Variants in PSMB10 observed in about 807,000 individuals in gnomAD.
PSMB10 encodes proteasome 20S subunit beta 10, also known as proteasome subunit beta type-10.
PSMB10 carries 29 observed loss-of-function variants against 29.8 expected under a neutral mutation model. The ratio of observed to expected loss-of-function variants is 0.97; its 90% CI spans 0.73 to 1.33. PSMB10 has a LOEUF of 1.33. PSMB10 is among the 40% of genes most tolerant of loss of function. The probability of loss-of-function intolerance (pLI) is 0.00; values close to 1 mark genes in which losing one functional copy is unlikely to be tolerated. For synonymous variants in PSMB10, 157 were observed against 164.7 expected (o/e 0.95, Z 0.36); for missense variants, 327 against 369.2 (o/e 0.89, Z 0.94).
Position 67,936,026 on chromosome 16 carries a change from A to G in PSMB10, c.320T>C (p.Leu107Ser). ...MVASKMELHALSTGREPRVAT... is the reference protein window; with the variant it reads ...MVASKMELHASSTGREPRVAT... ...CACGCGGGGCTCGCGGCCCGTAGAT[A>G]ACGCGTGTAGCTCCATCTTGGACGC... Residue 107 changes from leucine to serine, a missense_variant, in exon 4 of 8, where the codon TTA becomes TCA. Transcript: ENST00000358514. The G allele has an allele frequency of 6.2e-7, 1 of 1,612,850 alleles. No individual in the cohort carries two copies. Among genetic ancestry groups the G allele is most frequent in the Non-Finnish European group, 8.5e-7 (1 of 1,179,502 alleles).
chr16:67,935,099 C>A (rs2058257753), intron 6 of PSMB10, 151 bp from the exon 7 acceptor site: 2 of 1,007,436 alleles, frequency 2.0e-6, no homozygotes, highest in African/African-American at 3.3e-5. Context: ...ACCTCTGAGG[C>A]AACATCACCT....
At position 67,936,307 on chromosome 16, in the gene PSMB10, CCCGT is replaced by C; in HGVS notation, c.146_149del (p.Asp49GlyfsTer38). On this transcript the variant is annotated frameshift_variant and splice_region_variant, in exon 3 of 8. Coordinates refer to ENST00000358514, the MANE Select transcript of PSMB10 (RefSeq NM_002801.4). LOFTEE classifies it high-confidence loss of function. ...CTCGCGTATCGGCGCCCAGAATGAC[CCCGT>C]CCTGAGGAGAGGGAGGGACCGCAGC... 6.2e-7 allele frequency: 1 copy of C among 1,613,462 alleles called. No individual in the cohort carries two copies. Among genetic ancestry groups the C allele is most frequent in the Non-Finnish European group, 8.5e-7 (1 of 1,179,868 alleles).
At position 67,935,400 on chromosome 16, in the gene PSMB10, C is replaced by T. The variant is rs2058258939; in HGVS notation, c.558+20G>A. On this transcript the variant is annotated intron_variant, in intron 6 of 7. Transcript: ENST00000358514. Reference sequence around the variant, plus strand: ...CACATCCCACCAGCGACCACAAAGTCGGGGACAGAGGCCGCTCACCGTCAT... The same window carrying T: ...CACATCCCACCAGCGACCACAAAGTTGGGGACAGAGGCCGCTCACCGTCAT... The T allele has an allele frequency of 6.2e-7, 1 of 1,613,094 alleles. No individual in the cohort carries two copies. Among genetic ancestry groups the T allele is most frequent in the Admixed American group, 1.7e-5 (1 of 60,008 alleles).
In PSMB10 at chr16:67,934,576, G is replaced by T. The variant is rs1328770261; in HGVS notation, c.806C>A (p.Ala269Asp). 2 of 1,613,908 alleles carry T rather than the reference G, an allele frequency of 1.2e-6. No homozygotes were observed. Among genetic ancestry groups the T allele is most frequent in the African/African-American group, 2.7e-5 (2 of 74,902 alleles). Residue 269 changes from alanine (A) to aspartate (D), a missense_variant, in exon 8 of 8, where the codon GCT (alanine) becomes GAT (aspartate). Coordinates refer to ENST00000358514, the MANE Select transcript of PSMB10 (RefSeq NM_002801.4). This position sits in a 1 kb window ranked among gnomAD's most constrained non-coding sequence, Gnocchi z 4.3. ...AGCCTCAGCTTACTCCACCTCCATA[G>T]CCTGCACAGTTTCCTCCACTAGCTC... ...TLELVEETVQ[A>D]MEVE
At position 67,936,800 on chromosome 16, in the gene PSMB10, A is replaced by G; in HGVS notation, c.-51T>C. ...GGTCGCGGGCGGATGAGTCGGCCAG[A>G]CAAGCGGGGCCAGTGAGCAGCTAAA... On this transcript the variant is annotated 5_prime_UTR_variant, in exon 1 of 8. Coordinates refer to ENST00000358514, the MANE Select transcript of PSMB10 (RefSeq NM_002801.4). The G allele has an allele frequency of 6.7e-7, 1 of 1,482,386 alleles. No individual in the cohort carries two copies. Among genetic ancestry groups the G allele is most frequent in the Non-Finnish European group, 9.2e-7 (1 of 1,089,344 alleles). 91.8% of individuals were successfully genotyped at this position (1,482,386 alleles called of 1,614,324 possible).
chr16:67,936,679 G>T lies in PSMB10; in HGVS notation c.56+15C>A. The stretch of plus-strand genomic sequence containing the variant: ...GGCGGCTCAGGAGTGACCGCCCCCC[G>T]CGCCCCCGCTTCACCTTTGGCAGTT... On this transcript the variant is annotated intron_variant, in intron 1 of 7. Coordinates refer to ENST00000358514, the MANE Select transcript of PSMB10 (RefSeq NM_002801.4). 8 of 1,545,960 alleles carry T rather than the reference G, an allele frequency of 5.2e-6. No homozygotes were observed. The highest frequency in any genetic ancestry group is 7.0e-6 in the Non-Finnish European group (8 of 1,145,180).
In PSMB10 at chr16:67,934,986, C is replaced by A; in HGVS notation, c.559-38G>T. The A allele has an allele frequency of 1.3e-6, 2 of 1,596,486 alleles. No homozygotes were observed. Among genetic ancestry groups the A allele is most frequent in the Non-Finnish European group, 8.5e-7 (1 of 1,176,036 alleles). ...GTGTGTGAGACCTAACGGGCTCTCT[C>A]TGCTGTTAACTTAGGCTACAGCCTG... On this transcript the variant is annotated intron_variant, in intron 6 of 7. Coordinates refer to ENST00000358514, the MANE Select transcript of PSMB10 (RefSeq NM_002801.4). This position sits in a 1 kb window ranked among gnomAD's most constrained non-coding sequence, Gnocchi z 4.3.
Position 67,936,308 on chromosome 16 carries a change from C to A in PSMB10, c.149G>T (p.Gly50Val). The change falls in exon 3 of 8, where the codon GGG becomes GTG. Residue 50 changes from glycine to valine, a missense_variant. Coordinates refer to ENST00000358514, the MANE Select transcript of PSMB10 (RefSeq NM_002801.4). ...TCGCGTATCGGCGCCCAGAATGACC[C>A]CGTCCTGAGGAGAGGGAGGGACCGC... Reference protein sequence around the residue: ...TTIAGLVFQDGVILGADTRAT... With the variant: ...TTIAGLVFQDVVILGADTRAT... 6.2e-7 allele frequency: 1 copy of A among 1,613,524 alleles called. No homozygotes were observed. Among genetic ancestry groups the A allele is most frequent in the East Asian group, 2.2e-5 (1 of 44,874 alleles).
Position 67,935,661 on chromosome 16 carries a change from G to A in PSMB10, c.420C>T (p.Gly140=), listed in dbSNP as rs766825816. 1 of 1,614,166 alleles carries A rather than the reference G, an allele frequency of 6.2e-7. No individual in the cohort carries two copies. The highest frequency in any genetic ancestry group is 1.1e-5 in the South Asian group (1 of 91,084). The change falls in exon 5 of 8, where the codon GGC becomes GGT. Residue 140 remains glycine (G), a synonymous_variant. Transcript: ENST00000358514. The stretch of plus-strand genomic sequence containing the variant: ...GCTGCGGTCCAGTCAGGTCTACGCC[G>A]CCCACGATCAGCGATGCACCCACGT... ...QGHVGASLIV[G]GVDLTGPQLY...
Position 67,936,064 on chromosome 16 carries a change from G to T in PSMB10, c.282C>A (p.Thr94=). 6.2e-7 allele frequency: 1 copy of T among 1,611,898 alleles called. No individual in the cohort carries two copies. Among genetic ancestry groups the T allele is most frequent in the Non-Finnish European group, 8.5e-7 (1 of 1,178,514 alleles). ...CCATCTTGGACGCCACCATCCGTGT[G>T]GTCATCTCGGCGTCCGCGGCTACTC... ...GAGVAADAEM[T]TRMVASKMEL... Residue 94 remains threonine, a synonymous_variant, in exon 4 of 8, where the codon ACC becomes ACA. Transcript: ENST00000358514.
At chr16:67,935,836 T>G (rs1598199956) in intron 4 of PSMB10, 127 bp downstream of exon 4, 2 of 1,477,340 alleles carry the variant, frequency 1.4e-6, no homozygotes, top group East Asian at 4.8e-5. Flanking sequence ...GTAGCCCAGG[T>G]TCTCTTGGGC....
At chr16:67,935,209 T>G (rs1286683185) in intron 6 of PSMB10, 12 of 716,240 alleles carry the variant, frequency 1.7e-5, no homozygotes, top group East Asian at 2.7e-5. Context: ...AGATCCTCTG[T>G]GAGCTTCGAC....
At position 67,936,726 on chromosome 16, in the gene PSMB10, GGGCTCCAGGGCT is replaced by G. The variant is rs2058266012; in HGVS notation, c.12_23del (p.Ala5_Pro8del). 6 of 1,556,502 alleles carry G rather than the reference GGGCTCCAGGGCT, an allele frequency of 3.9e-6. No individual in the cohort carries two copies. Among genetic ancestry groups the G allele is most frequent in the Non-Finnish European group, 4.3e-6 (5 of 1,149,748 alleles). ...AGTTCTCGAAGGAGAAGCCCCCTCGGGGCTCCAGGGCTGGCTTCAGCATCTTGGGGCAGGCAG... is the reference window on the plus strand; with the variant it reads ...AGTTCTCGAAGGAGAAGCCCCCTCGGGGCTTCAGCATCTTGGGGCAGGCAG... On this transcript the variant is annotated inframe_deletion, in exon 1 of 8. Transcript: ENST00000358514.
chr16:67,936,063 T>C lies in PSMB10; in HGVS notation c.283A>G (p.Thr95Ala), dbSNP rs750554058. ...TCCATCTTGGACGCCACCATCCGTG[T>C]GGTCATCTCGGCGTCCGCGGCTACT... Reference protein sequence around the residue: ...AGVAADAEMTTRMVASKMELH... With the variant: ...AGVAADAEMTARMVASKMELH... The change falls in exon 4 of 8, where the codon ACA (threonine) becomes GCA (alanine). Residue 95 changes from threonine (T) to alanine (A), a missense_variant. By Grantham distance (58) the Thr-to-Ala change is moderately conservative (BLOSUM62 0). Coordinates refer to ENST00000358514, the MANE Select transcript of PSMB10 (RefSeq NM_002801.4). 1.2e-6 allele frequency: 2 copies of C among 1,611,978 alleles called. No individual in the cohort carries two copies. The highest frequency in any genetic ancestry group is 1.7e-6 in the Non-Finnish European group (2 of 1,178,546).
At position 67,936,782 on chromosome 16, in the gene PSMB10, G is replaced by T. The variant is rs759241898; in HGVS notation, c.-33C>A. On this transcript the variant is annotated 5_prime_UTR_variant, in exon 1 of 8. Coordinates refer to ENST00000358514, the MANE Select transcript of PSMB10 (RefSeq NM_002801.4). ...CAGGCAGAGGGGATTAGGGGTCGCG[G>T]GCGGATGAGTCGGCCAGACAAGCGG... The T allele has an allele frequency of 1.3e-6, 2 of 1,542,136 alleles. No homozygotes were observed. The highest frequency in any genetic ancestry group is 1.8e-6 in the Non-Finnish European group (2 of 1,140,932).
chr16:67,934,608 T>C lies in PSMB10; in HGVS notation c.774A>G (p.Leu258=), dbSNP rs753994139. ...TAVLTQTVKP[L]TLELVEETVQ... ...CAGTTTCCTCCACTAGCTCCAGGGT[T>C]AGTGGCTTCACTGTCTGGGTCAGGA... The change falls in exon 8 of 8, where the codon CTA becomes CTG. Residue 258 remains leucine (L), a synonymous_variant. Transcript: ENST00000358514. This position sits in a 1 kb window ranked among gnomAD's most constrained non-coding sequence, Gnocchi z 4.3. 2 of 1,614,196 alleles carry C rather than the reference T, an allele frequency of 1.2e-6. No homozygotes were observed. The highest frequency in any genetic ancestry group is 1.7e-6 in the Non-Finnish European group (2 of 1,180,026).
Position 67,935,288 on chromosome 16 carries a change from C to G in PSMB10, c.558+132G>C, listed in dbSNP as rs1195518640. On this transcript the variant is annotated intron_variant, in intron 6 of 7. Transcript: ENST00000358514. ...GGGACCGCACTTCTCTGCCCTTACTCCACTCACCCTTCAGTGGTCACCTCC... is the reference window on the plus strand; with the variant it reads ...GGGACCGCACTTCTCTGCCCTTACTGCACTCACCCTTCAGTGGTCACCTCC... 5 of 1,109,030 alleles carry G rather than the reference C, an allele frequency of 4.5e-6. No homozygotes were observed. In the South Asian group the frequency reaches 7.0e-5, roughly 15 times the overall value. The allele number at this position is 1,109,030 out of a possible 1,614,324, so 68.7% of individuals were successfully genotyped here. A position where few individuals can be genotyped will look rare whatever the true frequency, so the allele number is the denominator to read the frequency against.
chr16:67,935,435 G>C lies in PSMB10; in HGVS notation c.543C>G (p.Phe181Leu). ...DAALAVLEDR[F>L]QPNMTLEAAQ... ...GGCCGCTCACCGTCATGTTCGGCTG[G>C]AACCGGTCTTCTAGCACCGCCAGGG... Residue 181 changes from phenylalanine to leucine, a missense_variant, in exon 6 of 8, where the codon TTC (phenylalanine) becomes TTG (leucine). Coordinates refer to ENST00000358514, the MANE Select transcript of PSMB10 (RefSeq NM_002801.4). 2 of 1,614,070 alleles carry C rather than the reference G, an allele frequency of 1.2e-6. No individual in the cohort carries two copies. The highest frequency in any genetic ancestry group is 8.5e-7 in the Non-Finnish European group (1 of 1,180,034).
intron 4 of PSMB10, 69 bp downstream of exon 4, chr16:67,935,894 G>A (rs2058261331): frequency 6.4e-7 from 1 of 1,564,294 alleles, no homozygotes; most frequent in African/African-American, 1.4e-5. Context: ...CCTTCTTTCT[G>A]TCCCGCCTTC....
Sources: gnomAD v4.1 joint callset for allele counts on GRCh38, gnomAD v4.1.1 for gene constraint, Gnocchi (gnomAD v3.1) non-coding constraint, MANE v1.5 for transcripts, NCBI Gene and HGNC (gene_info 2026-07-23, HGNC 2026-07-21) for gene names.